RORA: variants seen among roughly 807,000 people sequenced by gnomAD.
RORA encodes nuclear receptor ROR-alpha.
Under a neutral mutation model 69.5 loss-of-function variants are expected in RORA, and 7 were observed. The observed-to-expected ratio is 0.10, with a 90% CI of 0.06 to 0.19. The LOEUF (loss-of-function observed/expected upper bound fraction) is 0.19, where lower values mean the gene tolerates loss of function less well. Among genes scored for constraint, RORA ranks in the 10% least tolerant of loss-of-function variants. The pLI is 1.00. For missense variants in RORA, 457 were observed against 663.0 expected (o/e 0.69, Z 3.41); for synonymous variants, 261 against 240.8 (o/e 1.08, Z -0.78).
intron 1 of RORA, among the ~76,000 whole-genome samples, chr15:60,977,281 G>C (rs890630044): frequency 2.0e-5 from 3 of 152,058 alleles, no homozygotes; most frequent in African/African-American, 7.2e-5. Flanking sequence ...GATTAGACAA[G>C]CAAGAATGGT....
At chr15:61,169,906 T>C (rs1195315226) in intron 1 of RORA, among the ~76,000 whole-genome samples, 1 of 152,134 alleles carries the variant, frequency 6.6e-6, no homozygotes, top group Non-Finnish European at 1.5e-5. Flanking sequence ...CCTATCAGGA[T>C]GGTAAAATTG....
At chr15:61,083,619 T>G (rs1182428857) in intron 1 of RORA, among the ~76,000 whole-genome samples, 1 of 151,892 alleles carries the variant, frequency 6.6e-6, no homozygotes, top group Non-Finnish European at 1.5e-5. Flanking sequence ...TGTTTGTTCA[T>G]CTGGAAAGGA....
At chr15:60,839,189 C>T (rs913999293) in intron 1 of RORA, among the ~76,000 whole-genome samples, 3 of 152,098 alleles carry the variant, frequency 2.0e-5, no homozygotes, top group Non-Finnish European at 4.4e-5. Context: ...TGAGCCACCG[C>T]GCCTGGCCTC....
At chr15:60,837,706 C>G (rs1275279610) in intron 1 of RORA, among the ~76,000 whole-genome samples, 1 of 150,640 alleles carries the variant, frequency 6.6e-6, no homozygotes, top group East Asian at 2.0e-4. Flanking sequence ...AAGAGCTCAC[C>G]GGGGACACAG....
chr15:60,889,662 G>C (rs1350592489), intron 1 of RORA, among the ~76,000 whole-genome samples: 2 of 152,242 alleles, frequency 1.3e-5, no homozygotes, highest in African/African-American at 4.8e-5. Context: ...CTGGAACTTA[G>C]ATCTGGACGG....
chr15:60,954,157 T>C (rs1893193085), intron 1 of RORA, among the ~76,000 whole-genome samples: 3 of 142,966 alleles, frequency 2.1e-5, no homozygotes, highest in South Asian at 2.4e-4. Flanking sequence ...ATGGATGAAA[T>C]TGGAAATCAT....
At chr15:61,136,285 C>T (rs1440425493) in intron 1 of RORA, among the ~76,000 whole-genome samples, 1 of 151,328 alleles carries the variant, frequency 6.6e-6, no homozygotes, top group Non-Finnish European at 1.5e-5. Context: ...TATACCATTT[C>T]CCCCCATTTT....
chr15:61,137,082 A>G (rs554063340), intron 1 of RORA, among the ~76,000 whole-genome samples: 1 of 149,390 alleles, frequency 6.7e-6, no homozygotes, highest in East Asian at 1.9e-4. Context: ...AAAGAAAGAA[A>G]GAAAGAAAGA....
intron 1 of RORA, among the ~76,000 whole-genome samples, chr15:60,788,706 C>G (rs181969550): frequency 3.5e-4 from 53 of 152,324 alleles, no homozygotes; most frequent in African/African-American, 1.2e-3. Context: ...AAGGCACCCT[C>G]CCTGCCTCAT....
At chr15:60,709,914 G>A (rs2071120134) in intron 1 of RORA, among the ~76,000 whole-genome samples, 1 of 152,142 alleles carries the variant, frequency 6.6e-6, no homozygotes, top group South Asian at 2.1e-4. Context: ...AAAGGTTGGG[G>A]ACTGTTGCTT....
intron 1 of RORA, among the ~76,000 whole-genome samples, chr15:61,178,465 A>G (rs2140901364): frequency 6.6e-6 from 1 of 152,288 alleles, no homozygotes; most frequent in South Asian, 2.1e-4. Context: ...ATTCTATTTT[A>G]TGAGCAGAAA....
At chr15:60,677,319 C>T (rs914013793) in intron 2 of RORA, 6 of 421,144 alleles carry the variant, frequency 1.4e-5, no homozygotes, top group African/African-American at 1.0e-4. Context: ...ACAGCAAGAA[C>T]AAGAACAACA....
At chr15:61,146,840 T>C (rs763280029) in intron 1 of RORA, among the ~76,000 whole-genome samples, 29 of 152,326 alleles carry the variant, frequency 1.9e-4, no homozygotes, top group Non-Finnish European at 3.5e-4. Flanking sequence ...GCTGATACAT[T>C]GGTTAGACAC....
intron 2 of RORA, among the ~76,000 whole-genome samples, chr15:60,575,158 G>C (rs1204605966): frequency 6.6e-6 from 1 of 152,006 alleles, no homozygotes; most frequent in Non-Finnish European, 1.5e-5. Context: ...AGAACCTTCA[G>C]CAAAGAGCTA....
chr15:60,863,758 AT>A (rs1199874395), intron 1 of RORA, among the ~76,000 whole-genome samples: 2 of 151,644 alleles, frequency 1.3e-5, no homozygotes, highest in African/African-American at 4.8e-5. Context: ...TATTCTTTTC[AT>A]TATCACAAAA....
intron 3 of RORA, among the ~76,000 whole-genome samples, chr15:60,523,052 A>AAAAAAAACACACAC (rs2066229447): frequency 4.0e-5 from 6 of 148,732 alleles, no homozygotes; most frequent in South Asian, 2.1e-4. Flanking sequence ...AAAAAACACA[A>AAAAAAAACACACAC]AAAAAAAAAC....
intron 1 of RORA, among the ~76,000 whole-genome samples, chr15:60,966,115 C>G (rs549762547): frequency 6.6e-6 from 1 of 152,148 alleles, no homozygotes; most frequent in African/African-American, 2.4e-5. Context: ...TTCTCCTTGG[C>G]CACTCAATGG....
chr15:60,658,578 A>G (rs182626676), intron 2 of RORA, among the ~76,000 whole-genome samples: 66 of 152,310 alleles, frequency 4.3e-4, no homozygotes, highest in Non-Finnish European at 7.9e-4. Flanking sequence ...CTGTTTTCAC[A>G]TGTATCTGCA....
chr15:60,979,906 A>C (rs72754708), intron 1 of RORA, among the ~76,000 whole-genome samples: 1 of 152,146 alleles, frequency 6.6e-6, no homozygotes. Flanking sequence ...TAAAATTTCT[A>C]GTAAAATGTT....
Sources: allele counts gnomAD v4.1 joint callset (sites outside exome capture counted in the v4.1 genomes callset), GRCh38; gene constraint gnomAD v4.1.1; transcripts MANE v1.5; gene names NCBI Gene and HGNC (gene_info 2026-07-23, HGNC 2026-07-21).